RPS6KA6: variants seen among roughly 807,000 people sequenced by gnomAD.
The protein encoded by RPS6KA6 is ribosomal protein S6 kinase alpha-6.
In RPS6KA6, 27 loss-of-function variants were observed where a neutral mutation model predicts 65.4. The observed-to-expected ratio is 0.41, with a 90% confidence interval of 0.30 to 0.57. RPS6KA6 has a LOEUF of 0.57. RPS6KA6 is among the 20% of genes least tolerant of loss of function. RPS6KA6 has a pLI of 0.24. For missense variants in RPS6KA6, 486 were observed against 555.6 expected (o/e 0.87, Z 1.26); for synonymous variants, 190 against 184.2 (o/e 1.03, Z -0.26).
chrX:84,108,446 C>A (rs1302218627), intron 12 of RPS6KA6, among the ~76,000 whole-genome samples: 2 of 111,607 alleles, frequency 1.8e-5, no homozygotes, highest in Non-Finnish European at 3.8e-5. Flanking sequence ...AGTAGATTTT[C>A]TAAGAGGCCA....
chrX:84,070,840 T>C (rs2033528349), intron 20 of RPS6KA6, among the ~76,000 whole-genome samples: 1 of 111,524 alleles, frequency 9.0e-6, no homozygotes, highest in African/African-American at 3.3e-5. Flanking sequence ...AAAATTTCAA[T>C]AGTCCAAGGA....
At chrX:84,072,078 A>C (rs1049377341) in intron 20 of RPS6KA6, among the ~76,000 whole-genome samples, 2 of 111,885 alleles carry the variant, frequency 1.8e-5, no homozygotes, top group African/African-American at 6.5e-5. Flanking sequence ...GTATGAAGCC[A>C]GAATAACCCA....
At chrX:84,116,594 A>G (rs1395554470) in intron 11 of RPS6KA6, among the ~76,000 whole-genome samples, 10 of 111,188 alleles carry the variant, frequency 9.0e-5, no homozygotes, top group African/African-American at 3.3e-4. Flanking sequence ...TCATATTTAT[A>G]TGCCAAATTG....
At chrX:84,182,809 C>T (rs1270897108) in intron 1 of RPS6KA6, among the ~76,000 whole-genome samples, 6 of 111,681 alleles carry the variant, frequency 5.4e-5, no homozygotes, top group Non-Finnish European at 7.5e-5. Context: ...CTGGTGAAAG[C>T]ATAGAAAAAA....
chrX:84,098,903 TAAC>T (rs1284038341), intron 18 of RPS6KA6, among the ~76,000 whole-genome samples: 2 of 111,388 alleles, frequency 1.8e-5, no homozygotes, highest in African/African-American at 3.2e-5. Context: ...ACTTAACAAA[TAAC>T]AAGGTATAGC....
At chrX:84,173,513 A>G (rs2035718363) in intron 1 of RPS6KA6, among the ~76,000 whole-genome samples, 1 of 112,503 alleles carries the variant, frequency 8.9e-6, no homozygotes, top group Non-Finnish European at 1.9e-5. Flanking sequence ...CAATACAGAA[A>G]AAAATAAAAA....
chrX:84,170,000 T>A, intron 1 of RPS6KA6, among the ~76,000 whole-genome samples: 1 of 107,763 alleles, frequency 9.3e-6, no homozygotes, highest in Non-Finnish European at 1.9e-5. Context: ...GTGAAACCCG[T>A]CTCTACTAAA....
chrX:84,129,705 G>A (rs189113173), intron 8 of RPS6KA6, among the ~76,000 whole-genome samples: 1 of 111,377 alleles, frequency 9.0e-6, no homozygotes, highest in African/African-American at 3.3e-5. Flanking sequence ...ATTGTGAGTG[G>A]AACTGGAGGT....
At chrX:84,087,909 C>G (rs756115809) in intron 20 of RPS6KA6, among the ~76,000 whole-genome samples, 2 of 112,095 alleles carry the variant, frequency 1.8e-5, no homozygotes, top group African/African-American at 6.5e-5. Context: ...AGATAGTCTT[C>G]AAGCTCTGAG....
intron 20 of RPS6KA6, among the ~76,000 whole-genome samples, chrX:84,073,830 G>T (rs1204796489): frequency 9.1e-6 from 1 of 109,946 alleles, no homozygotes; most frequent in East Asian, 2.8e-4. Context: ...ACCATAATGG[G>T]ATATTATCTC....
chrX:84,082,284 C>T (rs1031991660), intron 20 of RPS6KA6, among the ~76,000 whole-genome samples: 9 of 111,691 alleles, frequency 8.1e-5, no homozygotes. Flanking sequence ...AAATCACAAG[C>T]ATTCCTATAC....
In RPS6KA6 at chrX:84,063,966, A is replaced by G. The variant is rs2033343843; in HGVS notation, c.*311T>C. The G allele has an allele frequency of 5.6e-6, 1 of 180,005 alleles. No individual in the cohort carries two copies. The highest frequency in any genetic ancestry group is 7.1e-5 in the Admixed American group (1 of 14,142). The allele number at this position is 180,005 out of a possible 1,213,427, so 14.8% of individuals were successfully genotyped here. A position where few individuals can be genotyped will look rare whatever the true frequency, so the allele number is the denominator to read the frequency against. ...ACTCCCCAAACCATAATTGTATGAA[A>G]CAAGAAAAAAAATATTAAAGTAACT... is the stretch of plus-strand genomic sequence containing the variant. On this transcript the variant is annotated 3_prime_UTR_variant, in exon 22 of 22. Transcript: ENST00000262752.
At chrX:84,176,153 T>G (rs776193141) in intron 1 of RPS6KA6, among the ~76,000 whole-genome samples, 4 of 111,838 alleles carry the variant, frequency 3.6e-5, no homozygotes, top group Non-Finnish European at 7.5e-5. Flanking sequence ...AAATGCAGCT[T>G]CCTGGTTTCT....
chrX:84,148,643 G>A (rs1737027431), intron 3 of RPS6KA6, among the ~76,000 whole-genome samples: 1 of 111,256 alleles, frequency 9.0e-6, no homozygotes, highest in Non-Finnish European at 1.9e-5. Flanking sequence ...CTCCTTTTAA[G>A]ACCCAGGCCC....
At chrX:84,086,089 A>T (rs2033914989) in intron 20 of RPS6KA6, among the ~76,000 whole-genome samples, 1 of 109,801 alleles carries the variant, frequency 9.1e-6, no homozygotes, top group Non-Finnish European at 1.9e-5. Flanking sequence ...CTATTTTATT[A>T]ATTTTGTTTT....
intron 3 of RPS6KA6, among the ~76,000 whole-genome samples, chrX:84,149,153 G>C (rs2035253707): frequency 8.9e-6 from 1 of 111,905 alleles, no homozygotes. Context: ...ATCCATTCAA[G>C]TTTTATCATG....
intron 18 of RPS6KA6, among the ~76,000 whole-genome samples, chrX:84,099,629 CT>C (rs1353440835): frequency 1.8e-5 from 2 of 111,370 alleles, no homozygotes; most frequent in Non-Finnish European, 3.8e-5. Context: ...TATCCCTCAA[CT>C]TTTTTGTAAG....
chrX:84,178,880 T>C (rs906057276), intron 1 of RPS6KA6, among the ~76,000 whole-genome samples: 1 of 109,778 alleles, frequency 9.1e-6, no homozygotes, highest in African/African-American at 3.3e-5. Context: ...TAGGATTTCT[T>C]AGATACAACA....
rs773878134 is a variant in RPS6KA6, at chrX:84,147,076, G to A, written c.341-18C>T. On this transcript the variant is annotated intron_variant, in intron 4 of 21. Coordinates refer to ENST00000262752, the MANE Select transcript of RPS6KA6 (RefSeq NM_014496.5). ...GTCTCGAACTAAAAATTACATAAAG[G>A]TACAATATATTGCTCTCTTACATCA... The A allele has an allele frequency of 2.3e-5, 22 of 957,580 alleles. No individual in the cohort carries two copies. Among genetic ancestry groups the A allele is most frequent in the Non-Finnish European group, 3.2e-5 (22 of 678,061 alleles). The allele number at this position is 957,580 out of a possible 1,213,427, so 78.9% of individuals were successfully genotyped here. A position where few individuals can be genotyped will look rare whatever the true frequency, so the allele number is the denominator to read the frequency against.
Sources: gnomAD v4.1 joint callset for allele counts (sites outside exome capture counted in the v4.1 genomes callset) on GRCh38, gnomAD v4.1.1 for gene constraint, MANE v1.5 for transcripts, NCBI Gene and HGNC (gene_info 2026-07-23, HGNC 2026-07-21) for gene names.